DIAPH3: variants seen among roughly 807,000 people sequenced by gnomAD.
DIAPH3 encodes the protein diaphanous related formin 3.
DIAPH3 carries 117 observed loss-of-function variants against 144.3 expected under a neutral mutation model. The ratio of observed to expected loss-of-function variants is 0.81; its 90% CI spans 0.70 to 0.95. The LOEUF is 0.95. Among genes scored for constraint, DIAPH3 ranks in the 40% least tolerant of loss-of-function variants. The pLI is 0.00. For synonymous variants in DIAPH3, 519 were observed against 488.9 expected (o/e 1.06, Z -0.81); for missense variants, 1,421 against 1,412.7 (o/e 1.01, Z -0.09).
intron 15 of DIAPH3, among the ~76,000 whole-genome samples, chr13:59,973,850 G>C (rs1003346722): frequency 6.6e-6 from 1 of 152,052 alleles, no homozygotes; most frequent in Non-Finnish European, 1.5e-5. Context: ...GGGTGCATGG[G>C]AGCTATCTGC....
chr13:60,153,152 T>C (rs1454588420), intron 1 of DIAPH3, among the ~76,000 whole-genome samples: 2 of 152,074 alleles, frequency 1.3e-5, no homozygotes, highest in African/African-American at 4.8e-5. Context: ...AGCAACATCA[T>C]GACACAATAG....
chr13:59,922,206 G>A (rs1355180918), intron 18 of DIAPH3, among the ~76,000 whole-genome samples: 1 of 151,902 alleles, frequency 6.6e-6, no homozygotes, highest in Non-Finnish European at 1.5e-5. Context: ...GTCCTAGCCA[G>A]GGCAATTAGG....
At chr13:60,124,070 T>C (rs1259298960) in intron 2 of DIAPH3, among the ~76,000 whole-genome samples, 2 of 152,252 alleles carry the variant, frequency 1.3e-5, no homozygotes, top group Non-Finnish European at 2.9e-5. Context: ...AGCTCAGTCC[T>C]ATTAGGCCGC....
chr13:59,979,075 T>C (rs2050836693), intron 14 of DIAPH3, among the ~76,000 whole-genome samples: 1 of 151,696 alleles, frequency 6.6e-6, no homozygotes, highest in Non-Finnish European at 1.5e-5. Context: ...TACAAAATGA[T>C]ATGGCAATAG....
At chr13:59,720,272 C>T (rs902099055) in intron 27 of DIAPH3, among the ~76,000 whole-genome samples, 10 of 152,076 alleles carry the variant, frequency 6.6e-5, no homozygotes, top group African/African-American at 2.4e-4. Context: ...TTGGGTCTGT[C>T]ATTGACCTAA....
At chr13:59,946,920 T>C (rs1368360371) in intron 17 of DIAPH3, among the ~76,000 whole-genome samples, 1 of 152,202 alleles carries the variant, frequency 6.6e-6, no homozygotes, top group African/African-American at 2.4e-5. Flanking sequence ...GTCAACAACA[T>C]TGTGTCTATT....
At chr13:60,163,354 C>T (rs1194127907) in intron 1 of DIAPH3, among the ~76,000 whole-genome samples, 4 of 152,208 alleles carry the variant, frequency 2.6e-5, no homozygotes, top group African/African-American at 4.8e-5. Context: ...TACATATACA[C>T]GTTTGAACTG....
chr13:59,768,123 AT>A (rs1296975546), intron 27 of DIAPH3, among the ~76,000 whole-genome samples: 8 of 152,130 alleles, frequency 5.3e-5, no homozygotes, highest in Admixed American at 3.9e-4. Context: ...GCCTAAAAAA[AT>A]CTCCTTAAAA....
intron 27 of DIAPH3, among the ~76,000 whole-genome samples, chr13:59,756,301 G>A (rs1255969543): frequency 6.6e-6 from 1 of 151,782 alleles, no homozygotes; most frequent in African/African-American, 2.4e-5. Flanking sequence ...ATTCTTCCTA[G>A]AAATAAGTAG....
intron 4 of DIAPH3, among the ~76,000 whole-genome samples, chr13:60,087,224 G>T (rs1260605878): frequency 2.6e-5 from 4 of 152,136 alleles, no homozygotes; most frequent in Non-Finnish European, 5.9e-5. Context: ...GGATACAGAG[G>T]TTCGACTGTA....
chr13:59,717,292 A>C (rs1468046885), intron 27 of DIAPH3, among the ~76,000 whole-genome samples: 1 of 152,238 alleles, frequency 6.6e-6, no homozygotes, highest in Non-Finnish European at 1.5e-5. Context: ...TTAAGCTTTA[A>C]GTACTTTTTC....
intron 27 of DIAPH3, among the ~76,000 whole-genome samples, chr13:59,767,102 T>A (rs2037898146): frequency 6.6e-6 from 1 of 152,168 alleles, no homozygotes. Flanking sequence ...CTGCACTCCT[T>A]CCAGCTTGAG....
intron 20 of DIAPH3, among the ~76,000 whole-genome samples, chr13:59,893,227 T>A (rs1415005643): frequency 6.6e-6 from 1 of 152,294 alleles, no homozygotes; most frequent in Non-Finnish European, 1.5e-5. Flanking sequence ...CATATTTTAT[T>A]CTACTTTAAA....
intron 27 of DIAPH3, among the ~76,000 whole-genome samples, chr13:59,668,901 C>T (rs1566165761): frequency 6.6e-6 from 1 of 151,862 alleles, no homozygotes; most frequent in Non-Finnish European, 1.5e-5. Context: ...TATGAATAGC[C>T]TGTATTTTGT....
At chr13:59,739,202 C>T (rs1179865222) in intron 27 of DIAPH3, among the ~76,000 whole-genome samples, 1 of 152,130 alleles carries the variant, frequency 6.6e-6, no homozygotes, top group African/African-American at 2.4e-5. Flanking sequence ...AGAATGTGAT[C>T]CTTTAGAATA....
intron 4 of DIAPH3, among the ~76,000 whole-genome samples, chr13:60,079,661 T>TG (rs1216964701): frequency 6.6e-6 from 1 of 151,334 alleles, no homozygotes; most frequent in Non-Finnish European, 1.5e-5. Context: ...ATGTCTTATG[T>TG]GGGAAAAAAA....
chr13:60,023,248 T>C (rs1223821981), intron 5 of DIAPH3, among the ~76,000 whole-genome samples: 13 of 152,144 alleles, frequency 8.5e-5, no homozygotes, highest in Non-Finnish European at 1.3e-4. Context: ...CTATTTCATA[T>C]TGGGTGTGTT....
chr13:59,870,247 T>C (rs985252501), intron 21 of DIAPH3, among the ~76,000 whole-genome samples: 1 of 152,098 alleles, frequency 6.6e-6, no homozygotes, highest in African/African-American at 2.4e-5. Flanking sequence ...TTACCTTTGT[T>C]CCTTTGTCAA....
At chr13:59,885,819 T>C (rs1051064739) in intron 20 of DIAPH3, among the ~76,000 whole-genome samples, 6 of 152,118 alleles carry the variant, frequency 3.9e-5, no homozygotes, top group African/African-American at 7.2e-5. Context: ...AGTAGATTAA[T>C]GAAGCTAGCA....
Sources: gnomAD v4.1 joint callset for allele counts (sites outside exome capture counted in the v4.1 genomes callset) on GRCh38, gnomAD v4.1.1 for gene constraint, MANE v1.5 for transcripts, NCBI Gene and HGNC (gene_info 2026-07-23, HGNC 2026-07-21) for gene names.